The following CTIF variants were observed in gnomAD, a reference collection of about 807,000 sequenced individuals.
CTIF encodes the protein cap binding complex dependent translation initiation factor.
In CTIF, 21 loss-of-function variants were observed where a neutral mutation model predicts 66.0. The ratio of observed to expected loss-of-function variants is 0.32; its 90% CI spans 0.23 to 0.46. The LOEUF (loss-of-function observed/expected upper bound fraction) is 0.46, where lower values mean the gene tolerates loss of function less well. Ranked by LOEUF, CTIF falls within the 20% of genes least tolerant of loss-of-function variation. CTIF has a pLI of 1.00. For missense variants in CTIF, 739 were observed against 812.7 expected, an observed-to-expected ratio of 0.91 and a Z score of 1.10; for synonymous variants, 345 against 326.4, an observed-to-expected ratio of 1.06 and a Z score of -0.62.
intron 6 of CTIF, among the ~76,000 whole-genome samples, chr18:48,677,000 G>A (rs1160489246): frequency 1.3e-5 from 2 of 152,090 alleles, no homozygotes; most frequent in African/African-American, 4.8e-5. Flanking sequence ...GTCCTGGGCG[G>A]GAGGCCGGGG....
Position 48,791,058 on chromosome 18 carries a change from T to C in CTIF, c.1372-26163T>C, listed in dbSNP as rs529242703. Among the ~76,000 whole-genome samples, 18 of 152,296 alleles carry C rather than the reference T, an allele frequency of 1.2e-4. No individual in the cohort carries two copies. In the East Asian group the frequency reaches 1.9e-3, roughly 16 times the overall value. The stretch of plus-strand genomic sequence containing the variant: ...TGTCATGTCTCTGTCTTTGAGGTCA[T>C]GAGCAGACCTGGGGCAGGAAGGGGA... On this transcript the variant is annotated intron_variant, in intron 9 of 11. Coordinates refer to ENST00000256413, the MANE Select transcript of CTIF (RefSeq NM_014772.3).
Position 48,860,004 on chromosome 18 carries a change from T to TCC in CTIF, c.*447_*448dup, listed in dbSNP as rs1413737358. 1 of 454,124 alleles carries TCC rather than the reference T, an allele frequency of 2.2e-6. No homozygotes were observed. Among genetic ancestry groups the TCC allele is most frequent in the Non-Finnish European group, 4.4e-6 (1 of 225,112 alleles). The allele number at this position is 454,124 out of a possible 1,614,324, so 28.1% of individuals were successfully genotyped here. A position where few individuals can be genotyped will look rare whatever the true frequency, so the allele number is the denominator to read the frequency against. On this transcript the variant is annotated 3_prime_UTR_variant, in exon 12 of 12. Coordinates refer to ENST00000256413, the MANE Select transcript of CTIF (RefSeq NM_014772.3). ...TGGGTCGGAGACGGGCTCGCATTGT[T>TCC]CCCGCATGCTGTCAGCCGCAGTCGC...
intron 1 of CTIF, among the ~76,000 whole-genome samples, chr18:48,605,012 T>A (rs1250332767): frequency 6.6e-6 from 1 of 152,258 alleles, no homozygotes; most frequent in Non-Finnish European, 1.5e-5. Flanking sequence ...CATATTTTGT[T>A]ATCCAGTCAT....
intron 9 of CTIF, among the ~76,000 whole-genome samples, chr18:48,809,909 T>G (rs2068225754): frequency 6.6e-6 from 1 of 151,958 alleles, no homozygotes; most frequent in Non-Finnish European, 1.5e-5. Flanking sequence ...TCTTTCTTGA[T>G]TTTATATGTG....
intron 7 of CTIF, among the ~76,000 whole-genome samples, chr18:48,742,959 C>T (rs569670121): frequency 6.6e-6 from 1 of 152,356 alleles, no homozygotes; most frequent in South Asian, 2.1e-4. Context: ...CAGAGAGCCA[C>T]TCTGGTGGTT....
intron 7 of CTIF, among the ~76,000 whole-genome samples, chr18:48,748,957 A>T (rs142690319): frequency 6.5e-4 from 99 of 152,334 alleles, no homozygotes; most frequent in African/African-American, 2.3e-3. Context: ...CCCAGGCTGC[A>T]TCTCTGCATC....
chr18:48,620,215 G>T (rs1457880286), intron 2 of CTIF, among the ~76,000 whole-genome samples: 1 of 152,190 alleles, frequency 6.6e-6, no homozygotes, highest in Non-Finnish European at 1.5e-5. Context: ...AGTCTCGTGG[G>T]ATTCTCACCC....
intron 6 of CTIF, among the ~76,000 whole-genome samples, chr18:48,700,466 G>A (rs1041569891): frequency 6.6e-6 from 1 of 152,210 alleles, no homozygotes; most frequent in African/African-American, 2.4e-5. Context: ...TTCATGTGAG[G>A]CCTTGGAGGC....
At chr18:48,704,909 G>A (rs1213985579) in intron 6 of CTIF, among the ~76,000 whole-genome samples, 4 of 152,204 alleles carry the variant, frequency 2.6e-5, no homozygotes, top group African/African-American at 4.8e-5. Flanking sequence ...AGAGGCACAG[G>A]CCCCTCAGGG....
chr18:48,794,661 C>T lies in CTIF; in HGVS notation c.1372-22560C>T, dbSNP rs544920883. ...TTAAAAATAGGACAGCTTTACAAAC[C>T]ACCCAGGATGATTGAAGGCAGGTGG... On this transcript the variant is annotated intron_variant, in intron 9 of 11. Transcript: ENST00000256413. Among the ~76,000 whole-genome samples, 152 of 152,274 alleles carry T rather than the reference C, an allele frequency of 1.0e-3. 1 individual carries two copies. Among genetic ancestry groups the T allele is most frequent in the African/African-American group, 3.6e-3 (148 of 41,548 alleles).
intron 5 of CTIF, among the ~76,000 whole-genome samples, chr18:48,669,994 T>C (rs1399800906): frequency 1.3e-5 from 2 of 151,372 alleles, no homozygotes; most frequent in Non-Finnish European, 3.0e-5. Flanking sequence ...ATGAGGAAAC[T>C]CATTTGATGA....
chr18:48,795,290 A>G (rs1250142123), intron 9 of CTIF, among the ~76,000 whole-genome samples: 3 of 152,190 alleles, frequency 2.0e-5, no homozygotes, highest in African/African-American at 7.2e-5. Context: ...AGACCCCTTC[A>G]GAGTGCCCTA....
Position 48,669,351 on chromosome 18 carries a change from A to G in CTIF, c.432-1318A>G, listed in dbSNP as rs536821974. Among the ~76,000 whole-genome samples the G allele has an allele frequency of 3.3e-5, 5 of 152,286 alleles. No homozygotes were observed. In the South Asian group the frequency reaches 1.0e-3, roughly 32 times the overall value. On this transcript the variant is annotated intron_variant, in intron 5 of 11. Transcript: ENST00000256413. ...TCACCATTCCTCAGTCAATACCAGT[A>G]ATAATAGTAACTGACAATACTTACT...
At chr18:48,617,358 C>G (rs2090418213) in intron 1 of CTIF, among the ~76,000 whole-genome samples, 1 of 152,202 alleles carries the variant, frequency 6.6e-6, no homozygotes, top group Admixed American at 6.5e-5. Flanking sequence ...CCTGAATAGT[C>G]TCTCTATCTT....
At chr18:48,726,604 G>T (rs2092389319) in intron 7 of CTIF, among the ~76,000 whole-genome samples, 1 of 152,134 alleles carries the variant, frequency 6.6e-6, no homozygotes, top group Non-Finnish European at 1.5e-5. Context: ...GGCTGTTCAT[G>T]ACATAGCAGC....
intron 3 of CTIF, among the ~76,000 whole-genome samples, chr18:48,656,709 G>A (rs1477446787): frequency 3.3e-5 from 5 of 152,182 alleles, no homozygotes; most frequent in African/African-American, 9.7e-5. Flanking sequence ...GGGCTGTCAC[G>A]AAGGATTCAG....
chr18:48,715,073 C>T (rs2092266671), intron 7 of CTIF, among the ~76,000 whole-genome samples: 1 of 152,164 alleles, frequency 6.6e-6, no homozygotes, highest in African/African-American at 2.4e-5. Context: ...CAGGGGCGGG[C>T]CGCTAGGATC....
chr18:48,786,246 G>T (rs1229684687), intron 9 of CTIF, among the ~76,000 whole-genome samples: 1 of 152,162 alleles, frequency 6.6e-6, no homozygotes, highest in East Asian at 1.9e-4. Flanking sequence ...CTGTTTTTCA[G>T]CCTCCCTCCC....
intron 7 of CTIF, among the ~76,000 whole-genome samples, chr18:48,748,727 A>G (rs577390766): frequency 6.6e-6 from 1 of 152,302 alleles, no homozygotes; most frequent in African/African-American, 2.4e-5. Flanking sequence ...TCTCCAGATG[A>G]GAACTTCTTA....
Sources: gnomAD v4.1 joint callset for allele counts (sites outside exome capture counted in the v4.1 genomes callset) on GRCh38, gnomAD v4.1.1 for gene constraint, MANE v1.5 for transcripts, NCBI Gene and HGNC (gene_info 2026-07-23, HGNC 2026-07-21) for gene names.